The following COLEC10 variants were observed in gnomAD, a reference collection of about 807,000 sequenced individuals.
COLEC10 encodes collectin subfamily member 10, also known as collectin-10.
COLEC10 carries 22 observed loss-of-function variants against 28.4 expected under a neutral mutation model. The ratio of observed to expected loss-of-function variants is 0.78; its 90% CI spans 0.55 to 1.11. The LOEUF is 1.11. Among genes scored for constraint, COLEC10 ranks in the 50% least tolerant of loss-of-function variants. The pLI is 0.00. For missense variants in COLEC10, 361 were observed against 344.1 expected, an observed-to-expected ratio of 1.05 and a Z score of -0.39; for synonymous variants, 125 against 116.1, an observed-to-expected ratio of 1.08 and a Z score of -0.49.
At chr8:118,998,594 G>T (rs13260214) in intron 1 of COLEC10, among the ~76,000 whole-genome samples, 103,770 of 151,668 alleles carry the variant, frequency 0.68, 37,295 homozygotes, top group African/African-American at 0.92. Context: ...ATCCCAGCTC[G>T]TTTGGAGGCC....
At chr8:119,032,436 A>C (rs1225437535) in intron 2 of COLEC10, among the ~76,000 whole-genome samples, 3 of 152,210 alleles carry the variant, frequency 2.0e-5, no homozygotes, top group Non-Finnish European at 4.4e-5. Context: ...ACAGTCACCC[A>C]ATCAGTGTGA....
chr8:119,052,999 C>A (rs1814700470), intron 2 of COLEC10, among the ~76,000 whole-genome samples: 2 of 151,998 alleles, frequency 1.3e-5, no homozygotes, highest in African/African-American at 4.8e-5. Flanking sequence ...GAGGAAAGTC[C>A]TGAGCGAAGA....
At chr8:119,033,274 A>C (rs550080065) in intron 2 of COLEC10, among the ~76,000 whole-genome samples, 3 of 152,168 alleles carry the variant, frequency 2.0e-5, no homozygotes, top group Admixed American at 1.3e-4. Context: ...TTTTTAAGTG[A>C]CTGCTTTGGT....
intron 1 of COLEC10, among the ~76,000 whole-genome samples, chr8:118,998,264 C>T (rs1813626692): frequency 6.6e-6 from 1 of 152,108 alleles, no homozygotes; most frequent in South Asian, 2.1e-4. Context: ...TTCCCAGAGA[C>T]AGTAAATATT....
the COLEC10 span, among the ~76,000 whole-genome samples, chr8:118,961,060 C>T: frequency 2.6e-5 from 4 of 152,160 alleles, no homozygotes. Context: ...CAAAATATAA[C>T]ATTTGTATGG....
chr8:119,037,385 GA>G (rs1814408551), intron 2 of COLEC10, among the ~76,000 whole-genome samples: 1 of 152,172 alleles, frequency 6.6e-6, no homozygotes, highest in Admixed American at 6.5e-5. Context: ...GTATATGCCA[GA>G]AAAAAGTTTA....
chr8:119,010,343 C>G (rs1047877626), intron 2 of COLEC10, among the ~76,000 whole-genome samples: 4 of 150,838 alleles, frequency 2.7e-5, no homozygotes, highest in African/African-American at 5.0e-5. Flanking sequence ...GTCTTGATAG[C>G]TAATTTTTTG....
At chr8:118,991,824 T>A (rs1813510386), upstream of COLEC10, among the ~76,000 whole-genome samples, 1 of 152,066 alleles carries the variant, frequency 6.6e-6, no homozygotes, top group African/African-American at 2.4e-5. Context: ...CTGAGATAAA[T>A]TATATTTATA....
the COLEC10 span, among the ~76,000 whole-genome samples, chr8:118,962,657 A>G: frequency 6.6e-6 from 1 of 152,150 alleles, no homozygotes; most frequent in Non-Finnish European, 1.5e-5. Context: ...TTTTGAGCTT[A>G]TTTGAATTTA....
upstream of COLEC10, among the ~76,000 whole-genome samples, chr8:118,993,025 C>T (rs1033686638): frequency 3.3e-5 from 5 of 152,142 alleles, no homozygotes; most frequent in African/African-American, 9.7e-5. Context: ...TTCGTGAGTT[C>T]CCTTTGCAGG....
At chr8:119,033,063 C>A (rs1215676178) in intron 2 of COLEC10, among the ~76,000 whole-genome samples, 1 of 152,102 alleles carries the variant, frequency 6.6e-6, no homozygotes, top group African/African-American at 2.4e-5. Context: ...AGAGTGAAAG[C>A]CTTTCTAAGT....
At chr8:119,053,796 A>G (rs1040839055) in intron 2 of COLEC10, among the ~76,000 whole-genome samples, 1 of 152,142 alleles carries the variant, frequency 6.6e-6, no homozygotes, top group Non-Finnish European at 1.5e-5. Flanking sequence ...GTTGACTTCA[A>G]ATAATTTACA....
intron 1 of COLEC10, among the ~76,000 whole-genome samples, chr8:119,003,461 T>G (rs1015993351): frequency 6.6e-6 from 1 of 152,092 alleles, no homozygotes; most frequent in Non-Finnish European, 1.5e-5. Flanking sequence ...AGTGAACACT[T>G]TCTGATGTCA....
the COLEC10 span, among the ~76,000 whole-genome samples, chr8:118,973,673 C>T: frequency 6.6e-6 from 1 of 151,972 alleles, no homozygotes; most frequent in Non-Finnish European, 1.5e-5. Context: ...ATCTTGCTCA[C>T]TCTCAAGTGG....
chr8:119,096,954 C>G (rs1815731186), intron 3 of COLEC10, among the ~76,000 whole-genome samples: 1 of 151,864 alleles, frequency 6.6e-6, no homozygotes, highest in African/African-American at 2.4e-5. Context: ...AATATACTAT[C>G]TCAATATGCA....
At chr8:119,005,427 G>T in intron 1 of COLEC10, among the ~76,000 whole-genome samples, 1 of 152,110 alleles carries the variant, frequency 6.6e-6, no homozygotes, top group East Asian at 1.9e-4. Context: ...GGGCTTCTCT[G>T]TCATCAAAGC....
intron 2 of COLEC10, among the ~76,000 whole-genome samples, chr8:119,011,732 A>C (rs533075259): frequency 5.3e-5 from 8 of 150,904 alleles, no homozygotes; most frequent in Admixed American, 3.3e-4. Context: ...GTTATATTGC[A>C]TTTTTAATTT....
intron 2 of COLEC10, among the ~76,000 whole-genome samples, chr8:119,050,254 A>G (rs1405950016): frequency 6.6e-6 from 1 of 152,228 alleles, no homozygotes; most frequent in African/African-American, 2.4e-5. Flanking sequence ...TATCCATAGT[A>G]ACCAAACAGA....
the COLEC10 span, among the ~76,000 whole-genome samples, chr8:118,970,269 CAGAG>C: frequency 6.6e-6 from 1 of 152,008 alleles, no homozygotes; most frequent in African/African-American, 2.4e-5. Context: ...AAGGACAAAT[CAGAG>C]AGCAGAGCCA....
Sources: gnomAD v4.1 joint callset for allele counts (sites outside exome capture counted in the v4.1 genomes callset) on GRCh38, gnomAD v4.1.1 for gene constraint, MANE v1.5 for transcripts, NCBI Gene and HGNC (gene_info 2026-07-23, HGNC 2026-07-21) for gene names.